AMHR2: variants seen among roughly 807,000 people sequenced by gnomAD.
AMHR2 encodes anti-Muellerian hormone type-2 receptor.
A neutral mutation model predicts 61.4 loss-of-function variants in AMHR2; 36 were observed. The ratio of observed to expected loss-of-function variants is 0.59; its 90% confidence interval spans 0.45 to 0.77. The LOEUF (loss-of-function observed/expected upper bound fraction) is 0.77, where lower values mean the gene tolerates loss of function less well. Ranked by LOEUF, AMHR2 falls within the 30% of genes least tolerant of loss-of-function variation. The pLI is 0.00. For synonymous variants in AMHR2, 258 were observed against 279.4 expected (o/e 0.92, Z 0.76); for missense variants, 638 against 714.6 (o/e 0.89, Z 1.22).
chr12:53,429,510 G>C lies in AMHR2; in HGVS notation c.1025G>C (p.Arg342Pro). The C allele has an allele frequency of 6.2e-7, 1 of 1,613,388 alleles. No homozygotes were observed. The highest frequency in any genetic ancestry group is 8.5e-7 in the Non-Finnish European group (1 of 1,179,928). The change falls in exon 8 of 11, where the codon CGG becomes CCG. Residue 342 changes from arginine to proline, a missense_variant. Arg to Pro is a moderately radical substitution (Grantham distance 103). Coordinates refer to ENST00000257863, the MANE Select transcript of AMHR2 (RefSeq NM_020547.3). The stretch of plus-strand genomic sequence containing the variant: ...CTGAGCAGCCAGAATGTGCTCATTC[G>C]GGAAGATGGATCGTGTGCCATTGGA... ...RDLSSQNVLI[R>P]EDGSCAIGDL...
Position 53,425,327 on chromosome 12 carries a change from T to TA in AMHR2, c.502+85_502+86insA, listed in dbSNP as rs566491449. The TA allele has an allele frequency of 1.9e-4, 306 of 1,606,900 alleles. 4 individuals are homozygous for TA. The South Asian group carries it at 3.3e-3, about 17-fold the overall frequency. ...CCCTCTCCAGGCACCCCTGACCCCA[T>TA]GGTCTTGGGATCTCTATAGCCTGAT... On this transcript the variant is annotated intron_variant, in intron 4 of 10. Transcript: ENST00000257863.
At position 53,428,921 on chromosome 12, in the gene AMHR2, A is replaced by G; in HGVS notation, c.878A>G (p.Gln293Arg). The change falls in exon 7 of 11, where the codon CAG becomes CGG. Residue 293 changes from glutamine to arginine, a missense_variant. Transcript: ENST00000257863. ...GGCTCCCTGTGCCACTACTTGACCC[A>G]GTACACCAGTGACTGGGGAAGTTCC... is the stretch of plus-strand genomic sequence containing the variant. ...PKGSLCHYLT[Q>R]YTSDWGSSLR... is the part of the protein sequence containing the mutation. 6.4e-7 allele frequency: 1 copy of G among 1,551,714 alleles called. No individual in the cohort carries two copies. Among genetic ancestry groups the G allele is most frequent in the Non-Finnish European group, 8.7e-7 (1 of 1,147,048 alleles).
chr12:53,428,689 C>G (rs908889781), intron 6 of AMHR2, among the ~76,000 whole-genome samples: 2 of 152,172 alleles, frequency 1.3e-5, no homozygotes. Context: ...ACAGTAAGTG[C>G]CCAGTACCCT....
chr12:53,426,669 A>C (rs1033956610), intron 6 of AMHR2, among the ~76,000 whole-genome samples: 5 of 151,618 alleles, frequency 3.3e-5, no homozygotes, highest in Admixed American at 6.6e-5. Context: ...TAAACAATAC[A>C]TGTTTATATA....
rs949006402 is a variant in AMHR2, at chr12:53,425,784, G to T, written c.717G>T (p.Gln239His). 6.2e-7 allele frequency: 1 copy of T among 1,614,202 alleles called. No individual in the cohort carries two copies. The highest frequency in any genetic ancestry group is 1.7e-5 in the Admixed American group (1 of 60,024). ...CCTTCCCACCGAGGTCTGTGGCTCA[G>T]TTCCAAGCTGAGAGAGCATTGTACG... is the stretch of plus-strand genomic sequence containing the variant. ...IKAFPPRSVA[Q>H]FQAERALYEL... The change falls in exon 6 of 11, where the codon CAG becomes CAT. Residue 239 changes from glutamine (Q) to histidine (H), a missense_variant. Gln to His is a conservative substitution (Grantham distance 24). Coordinates refer to ENST00000257863, the MANE Select transcript of AMHR2 (RefSeq NM_020547.3).
chr12:53,425,541 C>T lies in AMHR2; in HGVS notation c.589C>T (p.Leu197=), dbSNP rs1939496924. ...CTCAGGCAGGGACTGGAGTGTGGAG[C>T]TGCAGGAGCTGCCTGAGCTGTGTTT... ...PDSGRDWSVE[L]QELPELCFSQ... The change falls in exon 5 of 11, where the codon CTG becomes TTG. Residue 197 remains leucine, a synonymous_variant. Transcript: ENST00000257863. The T allele has an allele frequency of 5.0e-6, 8 of 1,613,924 alleles. No individual in the cohort carries two copies. The highest frequency in any genetic ancestry group is 1.3e-5 in the African/African-American group (1 of 74,926).
chr12:53,425,115 G>C (rs1289565578), intron 3 of AMHR2, 50 bp from the exon 4 acceptor site: 2 of 1,611,364 alleles, frequency 1.2e-6, no homozygotes, highest in East Asian at 4.5e-5. Context: ...AGAGCAGAGA[G>C]CAGGTTTGGG....
chr12:53,428,484 G>A (rs1939808361), intron 6 of AMHR2, among the ~76,000 whole-genome samples: 1 of 152,124 alleles, frequency 6.6e-6, no homozygotes, highest in South Asian at 2.1e-4. Flanking sequence ...ATAAGGTGGT[G>A]GTTATTAGTA....
chr12:53,429,764 A>G (rs527341740), intron 8 of AMHR2, 67 bp from the exon 9 acceptor site: 482 of 1,610,954 alleles, frequency 3.0e-4, no homozygotes, highest in Non-Finnish European at 3.4e-4. Context: ...GGGATATTGC[A>G]TGGACCATTG....
intron 10 of AMHR2, chr12:53,430,581 C>G: frequency 4.0e-6 from 2 of 499,174 alleles, no homozygotes; most frequent in Non-Finnish European, 7.3e-6. Context: ...GTCCCCTTCT[C>G]CAGGAAGCCC....
chr12:53,424,178 C>A, intron 1 of AMHR2, 110 bp from the exon 2 acceptor site: 2 of 1,475,802 alleles, frequency 1.4e-6, no homozygotes, highest in South Asian at 2.3e-5. Context: ...GTGGCTTTAC[C>A]ATACTGACGC....
At chr12:53,425,056 CTT>C in intron 3 of AMHR2, 107 bp from the exon 4 acceptor site, 1 of 1,591,726 alleles carries the variant, frequency 6.3e-7, no homozygotes, top group African/African-American at 1.3e-5. Flanking sequence ...GATAAGGGGT[CTT>C]GTGACCAGGG....
At chr12:53,430,070 C>G in intron 9 of AMHR2, 76 bp from the exon 10 acceptor site, 3 of 1,614,116 alleles carry the variant, frequency 1.9e-6, no homozygotes, top group East Asian at 2.2e-5. Context: ...AAGCTCTGCT[C>G]TTCCCTGTCT....
chr12:53,430,886 T>G, intron 10 of AMHR2: 1 of 504,844 alleles, frequency 2.0e-6, no homozygotes, highest in Non-Finnish European at 3.6e-6. Context: ...CAGAAGACTC[T>G]GGCTCTCTGA....
rs565158827 is a variant in AMHR2 at position 53,429,453 on chromosome 12, G to A, written c.968G>A (p.Gly323Asp). The change falls in exon 8 of 11, where the codon GGC (glycine) becomes GAC (aspartate). Residue 323 changes from glycine to aspartate, a missense_variant and splice_region_variant. By Grantham distance (94) the Gly-to-Asp change is moderately conservative. Transcript: ENST00000257863. ...AFLHEERWQNGQYKPGIAHRD... is the reference protein window; with the variant it reads ...AFLHEERWQNDQYKPGIAHRD... ...CCTTCAACCTTGGATTCCCCCACAG[G>A]CCAATATAAACCAGGTATTGCCCAC... The A allele has an allele frequency of 6.2e-6, 10 of 1,611,458 alleles. No individual in the cohort carries two copies. In the East Asian group the frequency reaches 2.2e-4, roughly 36 times the overall value.
At position 53,425,188 on chromosome 12, in the gene AMHR2, G is replaced by C; in HGVS notation, c.448G>C (p.Val150Leu). Residue 150 changes from valine to leucine, a missense_variant, in exon 4 of 11, where the codon GTG (valine) becomes CTG (leucine). Coordinates refer to ENST00000257863, the MANE Select transcript of AMHR2 (RefSeq NM_020547.3). ...AGGTGAGTCCATCTGGATGGCACTGGTGCTGCTGGGGCTGTTCCTCCTCCT... is the reference window on the plus strand; with the variant it reads ...AGGTGAGTCCATCTGGATGGCACTGCTGCTGCTGGGGCTGTTCCTCCTCCT... The part of the protein sequence containing the change: ...APGESIWMAL[V>L]LLGLFLLLLL... 2.5e-6 allele frequency: 4 copies of C among 1,613,940 alleles called. No homozygotes were observed. The highest frequency in any genetic ancestry group is 3.4e-6 in the Non-Finnish European group (4 of 1,180,024).
chr12:53,425,722 G>A lies in AMHR2; in HGVS notation c.655G>A (p.Ala219Thr). 6.2e-7 allele frequency: 1 copy of A among 1,614,198 alleles called. No individual in the cohort carries two copies. ...GGAAGGAGGTCATGCAGTGGTTTGG[G>A]CCGGGCAGCTGCAAGGAAAACTGGT... is the stretch of plus-strand genomic sequence containing the variant. ...IREGGHAVVW[A>T]GQLQGKLVAI... Residue 219 changes from alanine to threonine, a missense_variant, in exon 6 of 11, where the codon GCC (alanine) becomes ACC (threonine). Coordinates refer to ENST00000257863, the MANE Select transcript of AMHR2 (RefSeq NM_020547.3).
chr12:53,430,902 A>C, intron 10 of AMHR2: 1 of 532,956 alleles, frequency 1.9e-6, no homozygotes. Context: ...TCTGAGAGGA[A>C]AGAGAGTAAT....
At chr12:53,427,976 CA>C (rs1939764810) in intron 6 of AMHR2, among the ~76,000 whole-genome samples, 1 of 152,238 alleles carries the variant, frequency 6.6e-6, no homozygotes, top group African/African-American at 2.4e-5. Context: ...AGCCCAAATG[CA>C]GTGGCTCTTC....
Sources: gnomAD v4.1 joint callset for allele counts (sites outside exome capture counted in the v4.1 genomes callset) on GRCh38, gnomAD v4.1.1 for gene constraint, MANE v1.5 for transcripts, NCBI Gene and HGNC (gene_info 2026-07-23, HGNC 2026-07-21) for gene names.